COL19A1: variants seen among roughly 807,000 people sequenced by gnomAD.
COL19A1 encodes the protein collagen type XIX alpha 1 chain.
Under a neutral mutation model 190.2 loss-of-function variants are expected in COL19A1, and 159 were observed. That is an observed-to-expected ratio of 0.84 (90% CI 0.73 to 0.95). The LOEUF (loss-of-function observed/expected upper bound fraction) is 0.95. Ranked by LOEUF, COL19A1 falls within the 40% of genes least tolerant of loss-of-function variation. The pLI, the probability that COL19A1 is intolerant of heterozygous loss-of-function variation, is 0.00. For missense variants in COL19A1, 1,418 were observed against 1,431.9 expected (o/e 0.99, Z 0.16); for synonymous variants, 509 against 458.9 (o/e 1.11, Z -1.39).
At chr6:70,019,529 A>G (rs1778303190) in intron 11 of COL19A1, among the ~76,000 whole-genome samples, 1 of 152,138 alleles carries the variant, frequency 6.6e-6, no homozygotes, top group Non-Finnish European at 1.5e-5. Context: ...AAGACATTGC[A>G]GTTTTGTTTG....
At chr6:69,933,561 T>C (rs1450164769) in intron 7 of COL19A1, among the ~76,000 whole-genome samples, 2 of 152,064 alleles carry the variant, frequency 1.3e-5, no homozygotes, top group Non-Finnish European at 2.9e-5. Flanking sequence ...AAGTGAAATA[T>C]AAATGCAGTT....
At chr6:69,882,768 T>C (rs928915141) in intron 2 of COL19A1, among the ~76,000 whole-genome samples, 5 of 152,234 alleles carry the variant, frequency 3.3e-5, no homozygotes, top group African/African-American at 1.2e-4. Flanking sequence ...GGTAGTTTTC[T>C]ATTAATTACA....
chr6:70,071,484 G>A (rs936945825), intron 15 of COL19A1, among the ~76,000 whole-genome samples: 19 of 152,008 alleles, frequency 1.2e-4, no homozygotes, highest in African/African-American at 4.3e-4. Flanking sequence ...AATGTTCTGT[G>A]ACAATATGTA....
chr6:70,119,488 T>C (rs894233786), intron 16 of COL19A1, among the ~76,000 whole-genome samples: 31 of 152,166 alleles, frequency 2.0e-4, no homozygotes, highest in African/African-American at 7.2e-4. Context: ...AGAAGAGTGA[T>C]CACCCAGTAT....
intron 7 of COL19A1, among the ~76,000 whole-genome samples, 198 bp from the exon 8 acceptor site, chr6:69,936,587 A>G (rs1364268305): frequency 3.9e-5 from 6 of 152,122 alleles, no homozygotes. Context: ...GCATGTTGTC[A>G]GTATAAGAAA....
intron 4 of COL19A1, among the ~76,000 whole-genome samples, chr6:69,902,471 C>G (rs986907958): frequency 6.6e-6 from 1 of 152,128 alleles, no homozygotes; most frequent in Non-Finnish European, 1.5e-5. Flanking sequence ...TCCCAAAGAC[C>G]GCTTTTGCAG....
chr6:69,890,393 C>T (rs1253811519), intron 2 of COL19A1: 2 of 152,170 alleles, frequency 1.3e-5, no homozygotes, highest in Non-Finnish European at 2.9e-5. Flanking sequence ...GGATTTATTT[C>T]AGTCAACTAA....
intron 9 of COL19A1, among the ~76,000 whole-genome samples, chr6:69,950,028 A>T (rs1400970211): frequency 6.6e-6 from 1 of 151,878 alleles, no homozygotes; most frequent in African/African-American, 2.4e-5. Context: ...ATGAAGTATT[A>T]ATTTGTACAT....
At chr6:70,142,222 C>A in intron 22 of COL19A1, 146 bp downstream of exon 22, 1 of 720,558 alleles carries the variant, frequency 1.4e-6, no homozygotes, top group Non-Finnish European at 2.3e-6. Context: ...ATTTTCCCCA[C>A]TGGCTGCATT....
chr6:69,910,468 C>G (rs1179098265), intron 4 of COL19A1, among the ~76,000 whole-genome samples: 1 of 152,150 alleles, frequency 6.6e-6, no homozygotes, highest in Non-Finnish European at 1.5e-5. Context: ...TTAATTTCTA[C>G]TTTATTATGA....
At chr6:70,075,155 A>G (rs1412824990) in intron 15 of COL19A1, among the ~76,000 whole-genome samples, 1 of 152,176 alleles carries the variant, frequency 6.6e-6, no homozygotes, top group Non-Finnish European at 1.5e-5. Flanking sequence ...GGGAGTTTGC[A>G]AGAGATACCA....
At chr6:70,082,422 A>G (rs1782307437) in intron 15 of COL19A1, among the ~76,000 whole-genome samples, 1 of 152,052 alleles carries the variant, frequency 6.6e-6, no homozygotes, top group Non-Finnish European at 1.5e-5. Flanking sequence ...TTAATTAATT[A>G]ATTTCTGAGA....
chr6:69,998,041 T>C (rs963099190), intron 11 of COL19A1, among the ~76,000 whole-genome samples: 1 of 151,974 alleles, frequency 6.6e-6, no homozygotes, highest in African/African-American at 2.4e-5. Context: ...TCAGAAAGAA[T>C]GGAGACAAAA....
At chr6:70,124,764 G>C (rs1785093841) in intron 17 of COL19A1, among the ~76,000 whole-genome samples, 1 of 152,162 alleles carries the variant, frequency 6.6e-6, no homozygotes, top group Non-Finnish European at 1.5e-5. Flanking sequence ...TAAACAGAAA[G>C]GAGTATAGCT....
At chr6:70,039,013 C>T (rs907676298) in intron 14 of COL19A1, among the ~76,000 whole-genome samples, 2 of 151,830 alleles carry the variant, frequency 1.3e-5, no homozygotes, top group Non-Finnish European at 2.9e-5. Flanking sequence ...GAGATCGCGC[C>T]ACTGCACTCC....
chr6:70,152,659 A>G (rs979690153), intron 31 of COL19A1, among the ~76,000 whole-genome samples: 1 of 152,096 alleles, frequency 6.6e-6, no homozygotes, highest in African/African-American at 2.4e-5. Flanking sequence ...TTCCCACTCT[A>G]TAGATGAGAG....
chr6:69,876,927 C>A (rs1768165120), intron 1 of COL19A1, among the ~76,000 whole-genome samples: 1 of 152,158 alleles, frequency 6.6e-6, no homozygotes, highest in Non-Finnish European at 1.5e-5. Context: ...TTTAGAATGA[C>A]ACATACAGTT....
intron 4 of COL19A1, among the ~76,000 whole-genome samples, chr6:69,912,277 T>A (rs1346104792): frequency 2.0e-5 from 3 of 152,220 alleles, no homozygotes; most frequent in Non-Finnish European, 4.4e-5. Context: ...GATCTCATTC[T>A]GACTTGTGTA....
intron 4 of COL19A1, among the ~76,000 whole-genome samples, chr6:69,922,482 T>C (rs1318229276): frequency 6.9e-6 from 1 of 144,498 alleles, no homozygotes; most frequent in Non-Finnish European, 1.5e-5. Flanking sequence ...TTTAGGTTTT[T>C]TTTTTTTTTT....
Sources: allele counts gnomAD v4.1 joint callset (sites outside exome capture counted in the v4.1 genomes callset), GRCh38; gene constraint gnomAD v4.1.1; transcripts MANE v1.5; gene names NCBI Gene and HGNC (gene_info 2026-07-23, HGNC 2026-07-21).